Variants in CEP43 observed in about 807,000 individuals in gnomAD.
The protein encoded by CEP43 is centrosomal protein 43.
CEP43 carries 36 observed loss-of-function variants against 52.6 expected under a neutral mutation model. That is an observed-to-expected ratio of 0.68 (90% CI 0.52 to 0.90). The LOEUF (loss-of-function observed/expected upper bound fraction) is 0.90, where lower values mean the gene tolerates loss of function less well. Ranked by LOEUF, CEP43 falls within the 40% of genes least tolerant of loss-of-function variation. The pLI is 0.00. For synonymous variants in CEP43, 192 were observed against 172.4 expected (o/e 1.11, Z -0.89); for missense variants, 506 against 472.8 (o/e 1.07, Z -0.65).
Position 167,051,364 on chromosome 6 carries a change from A to G in CEP43, c.*11386A>G, listed in dbSNP as rs1402042767. On this transcript the variant is annotated 3_prime_UTR_variant, in exon 13 of 13. Coordinates refer to ENST00000366847, the MANE Select transcript of CEP43 (RefSeq NM_007045.4). ...CAGTTTAATTTTGGGGGGCAGGGCT[A>G]TTATCATCTAAACTATAAACTATAA... 6.6e-6 allele frequency: 1 copy of G among 152,204 alleles called. No individual in the cohort carries two copies. The highest frequency in any genetic ancestry group is 1.5e-5 in the Non-Finnish European group (1 of 68,038). 9.4% of individuals were successfully genotyped at this position (152,204 alleles called of 1,614,324 possible).
rs188117416 is a variant in CEP43, at chr6:167,039,372, G to A, written c.1126-532G>A. Among the ~76,000 whole-genome samples, 128 of 152,270 alleles carry A rather than the reference G, an allele frequency of 8.4e-4. 1 individual carries two copies. Among genetic ancestry groups the A allele is most frequent in the Admixed American group, 5.6e-3 (85 of 15,296 alleles). The stretch of plus-strand genomic sequence containing the variant: ...TTGAACTCCTGACCTCAGGTGATCC[G>A]CCTGCCTCAGCTTCCCAAAGGGTTG... On this transcript the variant is annotated intron_variant, in intron 12 of 12. Transcript: ENST00000366847.
chr6:167,027,151 A>G (rs1780373338), intron 10 of CEP43, among the ~76,000 whole-genome samples: 1 of 152,220 alleles, frequency 6.6e-6, no homozygotes, highest in Non-Finnish European at 1.5e-5. Flanking sequence ...GACTTATTGA[A>G]AGAAAAATTG....
rs1779969787 is a variant in CEP43 at position 167,010,875 on chromosome 6, A to C, written c.501A>C (p.Ala167=). 6.3e-7 allele frequency: 1 copy of C among 1,598,718 alleles called. No homozygotes were observed. The highest frequency in any genetic ancestry group is 8.5e-7 in the Non-Finnish European group (1 of 1,172,386). ...PPKSPEGKTS[A]QTTPSKIPRY... is the part of the protein sequence containing the mutation. ...AGTCACCAGAGGGAAAAACAAGTGCACAGACAACACCAAGTAAGGTGAGTT... is the reference window on the plus strand; with the variant it reads ...AGTCACCAGAGGGAAAAACAAGTGCCCAGACAACACCAAGTAAGGTGAGTT... Residue 167 remains alanine (A), a synonymous_variant, in exon 6 of 13, where the codon GCA becomes GCC. Coordinates refer to ENST00000366847, the MANE Select transcript of CEP43 (RefSeq NM_007045.4).
chr6:167,007,108 C>T (rs1392214136), intron 5 of CEP43, among the ~76,000 whole-genome samples: 1 of 152,166 alleles, frequency 6.6e-6, no homozygotes, highest in Non-Finnish European at 1.5e-5. Flanking sequence ...GTTCTTCTGT[C>T]AGGAAGGATT....
chr6:167,004,854 T>C (rs1038413586), intron 5 of CEP43, among the ~76,000 whole-genome samples: 1 of 152,248 alleles, frequency 6.6e-6, no homozygotes, highest in Non-Finnish European at 1.5e-5. Flanking sequence ...TTAATAAATT[T>C]TTGGACTTAA....
chr6:167,013,508 A>G lies in CEP43; in HGVS notation c.520A>G (p.Ile174Val). The G allele has an allele frequency of 6.2e-7, 1 of 1,612,204 alleles. No homozygotes were observed. Among genetic ancestry groups the G allele is most frequent in the Non-Finnish European group, 8.5e-7 (1 of 1,178,548 alleles). The change falls in exon 7 of 13, where the codon ATA (isoleucine) becomes GTA (valine). Residue 174 changes from isoleucine (I) to valine (V), a missense_variant and splice_region_variant. Coordinates refer to ENST00000366847, the MANE Select transcript of CEP43 (RefSeq NM_007045.4). Reference protein sequence around the residue: ...KTSAQTTPSKIPRYKGQGKKK... With the variant: ...KTSAQTTPSKVPRYKGQGKKK... ...AATCTCATTTTATTCTCATGCTCAG[A>G]TACCAAGGTATAAAGGACAAGGTAA...
At chr6:167,027,782 T>C in intron 10 of CEP43, 1 of 685,440 alleles carries the variant, frequency 1.5e-6, no homozygotes, top group Non-Finnish European at 1.8e-6. Flanking sequence ...TCTCTTCATA[T>C]GTAAATTAAA....
Position 167,044,586 on chromosome 6 carries a change from A to G in CEP43, c.*4608A>G. The G allele has an allele frequency of 1.0e-6, 1 of 977,174 alleles. No homozygotes were observed. 60.5% of individuals were successfully genotyped at this position (977,174 alleles called of 1,614,324 possible). On this transcript the variant is annotated 3_prime_UTR_variant, in exon 13 of 13. Transcript: ENST00000366847. ...CAGCAAGGCCTCTGAGGTAGGAGGG[A>G]CAGCGTTTTTGAATGTGAAATTTAT...
chr6:167,036,007 T>C, intron 12 of CEP43: 21 of 952,104 alleles, frequency 2.2e-5, no homozygotes, highest in Non-Finnish European at 2.6e-5. Context: ...TCTAATACTA[T>C]TATTCATTGT....
intron 5 of CEP43, among the ~76,000 whole-genome samples, chr6:167,009,208 A>G (rs987511860): frequency 2.6e-5 from 4 of 152,072 alleles, no homozygotes; most frequent in African/African-American, 7.2e-5. Flanking sequence ...CCTGGCCAAC[A>G]TGGTGGAACT....
chr6:167,018,629 A>G (rs1780155611), intron 7 of CEP43, among the ~76,000 whole-genome samples: 1 of 152,130 alleles, frequency 6.6e-6, no homozygotes, highest in East Asian at 1.9e-4. Flanking sequence ...TGACCTCATG[A>G]TCCGCCTGCC....
intron 11 of CEP43, among the ~76,000 whole-genome samples, chr6:167,033,388 C>T (rs371085436): frequency 2.0e-5 from 3 of 151,964 alleles, no homozygotes; most frequent in South Asian, 2.1e-4. Flanking sequence ...GGATTACAGA[C>T]GAGAACCACC....
At position 167,041,726 on chromosome 6, in the gene CEP43, T is replaced by C; in HGVS notation, c.*1748T>C. 9.7e-7 allele frequency: 1 copy of C among 1,034,674 alleles called. No homozygotes were observed. The highest frequency in any genetic ancestry group is 4.6e-5 in the South Asian group (1 of 21,716). 64.1% of individuals were successfully genotyped at this position (1,034,674 alleles called of 1,614,324 possible). Reference sequence around the variant, plus strand: ...CAGTAGCAACTGAAATTTGTCACTTTTCTGTTACGCAGAGAATCAGACCTT... The same window carrying C: ...CAGTAGCAACTGAAATTTGTCACTTCTCTGTTACGCAGAGAATCAGACCTT... On this transcript the variant is annotated 3_prime_UTR_variant, in exon 13 of 13. Transcript: ENST00000366847.
chr6:167,000,088 C>T lies in CEP43; in HGVS notation c.131C>T (p.Ala44Val), dbSNP rs1164732095. ...KAELRAAVFLALEEQEKVENK... is the reference protein window; with the variant it reads ...KAELRAAVFLVLEEQEKVENK... The stretch of plus-strand genomic sequence containing the variant: ...GAACTCCGAGCAGCTGTGTTTTTAG[C>T]ACTAGAGGAGCAAGAAAAAGTAGAG... Residue 44 changes from alanine to valine, a missense_variant, in exon 2 of 13, where the codon GCA becomes GTA. By Grantham distance (64) the Ala-to-Val change is moderately conservative. Transcript: ENST00000366847. 2 of 1,612,650 alleles carry T rather than the reference C, an allele frequency of 1.2e-6. No individual in the cohort carries two copies. The highest frequency in any genetic ancestry group is 1.7e-6 in the Non-Finnish European group (2 of 1,179,122).
rs1401759337 is a variant in CEP43, at chr6:167,048,077, T to C, written c.*8099T>C. 3 of 152,160 alleles carry C rather than the reference T, an allele frequency of 2.0e-5. No individual in the cohort carries two copies. Among genetic ancestry groups the C allele is most frequent in the Non-Finnish European group, 2.9e-5 (2 of 68,030 alleles). 9.4% of individuals were successfully genotyped at this position (152,160 alleles called of 1,614,324 possible). On this transcript the variant is annotated 3_prime_UTR_variant, in exon 13 of 13. Transcript: ENST00000366847. ...ATGATAAAGATGAGTGATCCAACGT[T>C]AGAAATCATCTGGACATTAAAACTG...
rs1245350000 is a variant in CEP43, at chr6:167,036,328, AG to A, written c.1125+2360del. The A allele has an allele frequency of 3.0e-6, 3 of 985,246 alleles. No homozygotes were observed. In the African/African-American group the frequency reaches 5.2e-5, roughly 17 times the overall value. The allele number at this position is 985,246 out of a possible 1,614,324, so 61.0% of individuals were successfully genotyped here. A position where few individuals can be genotyped will look rare whatever the true frequency, so the allele number is the denominator to read the frequency against. On this transcript the variant is annotated intron_variant, in intron 12 of 12. Coordinates refer to ENST00000366847, the MANE Select transcript of CEP43 (RefSeq NM_007045.4). The stretch of plus-strand genomic sequence containing the variant: ...TGCCCTGATTCCAGAGCTTCACTGG[AG>A]GGTGCTGTGTGAAGAGACAGAATGT...
At chr6:167,020,063 C>T (rs946238446) in intron 7 of CEP43, among the ~76,000 whole-genome samples, 1 of 152,054 alleles carries the variant, frequency 6.6e-6, no homozygotes, top group African/African-American at 2.4e-5. Context: ...GACATAAATC[C>T]ATTATTAAAA....
rs144089048 is a variant in CEP43, at chr6:167,041,022, AAAC to A, written c.*1046_*1048del. ...GTATTTTAAAATGTGCAAGTAGAAA[AAAC>A]AGTAGAAAGTGATGCATGCATATTT... On this transcript the variant is annotated 3_prime_UTR_variant, in exon 13 of 13. Coordinates refer to ENST00000366847, the MANE Select transcript of CEP43 (RefSeq NM_007045.4). The A allele has an allele frequency of 0.016, 16,593 of 1,028,912 alleles. 196 individuals carry two copies. The highest frequency in any genetic ancestry group is 0.075 in the East Asian group (1,212 of 16,088). 63.7% of individuals were successfully genotyped at this position (1,028,912 alleles called of 1,614,324 possible).
rs73035060 is a variant in CEP43 at position 167,046,340 on chromosome 6, G to A, written c.*6362G>A. The A allele has an allele frequency of 2.7e-3, 418 of 152,094 alleles. No homozygotes were observed. Among genetic ancestry groups the A allele is most frequent in the Non-Finnish European group, 5.0e-3 (342 of 67,934 alleles). The allele number at this position is 152,094 out of a possible 1,614,324, so 9.4% of individuals were successfully genotyped here. A position where few individuals can be genotyped will look rare whatever the true frequency, so the allele number is the denominator to read the frequency against. On this transcript the variant is annotated 3_prime_UTR_variant, in exon 13 of 13. Transcript: ENST00000366847. ...GAAGGAAGGGAGGGAGGGAGAGAAG[G>A]AGAAAGGAAGAAAGGGAAGGAAAAT...
Sources: allele counts gnomAD v4.1 joint callset (sites outside exome capture counted in the v4.1 genomes callset), GRCh38; gene constraint gnomAD v4.1.1; transcripts MANE v1.5; gene names NCBI Gene and HGNC (gene_info 2026-07-23, HGNC 2026-07-21).